CDKN2B-AS1: variants seen among roughly 807,000 people sequenced by gnomAD.
CDKN2B-AS1 encodes the protein CDKN2B and CDKN2A antisense cis and trans regulatory RNA 1, also known as CDKN2B antisense RNA 1 (non-protein coding).
chr9:22,074,809 C>G (rs774595440), intron 4 of CDKN2B-AS1, among the ~76,000 whole-genome samples: 1 of 152,214 alleles, frequency 6.6e-6, no homozygotes, highest in African/African-American at 2.4e-5. Context: ...AAAGCTCTAT[C>G]TGGTTTCTCT....
chr9:22,014,856 C>T (rs1029089094), intron 1 of CDKN2B-AS1, among the ~76,000 whole-genome samples: 7 of 146,860 alleles, frequency 4.8e-5, no homozygotes, highest in South Asian at 2.2e-4. Context: ...GAGAACATGG[C>T]GGTGTTTGGT....
chr9:22,056,357 C>G (rs1307692384), exon 4 of CDKN2B-AS1: 2 of 151,466 alleles, frequency 1.3e-5, no homozygotes, highest in African/African-American at 4.9e-5. Flanking sequence ...TGTGAGACAC[C>G]ACACCCGGCG....
At chr9:22,093,240 C>A (rs1054150184) in intron 4 of CDKN2B-AS1, among the ~76,000 whole-genome samples, 1 of 142,150 alleles carries the variant, frequency 7.0e-6, no homozygotes, top group African/African-American at 2.6e-5. Flanking sequence ...TTACTTCCAA[C>A]TATGTGGTCA....
chr9:22,005,054 T>G lies in CDKN2B-AS1; in HGVS notation n.29+9893T>G. The G allele has an allele frequency of 4.3e-6, 1 of 233,122 alleles. No homozygotes were observed. 14.4% of individuals were successfully genotyped at this position (233,122 alleles called of 1,614,324 possible). A position where few individuals can be genotyped will look rare whatever the true frequency, so the allele number is the denominator to read the frequency against. ...AGACAGTTGCTGAACAACTAAAAAG[T>G]ACAAAATATCACAAAATCAAAAAGT... On this transcript the variant is annotated intron_variant and non_coding_transcript_variant, in intron 1 of 4. Coordinates refer to ENST00000650946, the Ensembl canonical transcript of CDKN2B-AS1. The surrounding 1 kb of genome is among the most constrained non-coding windows in gnomAD (Gnocchi z 4.9).
intron 4 of CDKN2B-AS1, among the ~76,000 whole-genome samples, chr9:22,111,049 A>C (rs1825792433): frequency 1.3e-5 from 2 of 152,140 alleles, no homozygotes. Context: ...CTATTGGATG[A>C]CTTTGCTACA....
At chr9:22,012,442 C>T (rs77920300) in intron 1 of CDKN2B-AS1, 59,221 of 722,520 alleles carry the variant, frequency 0.082, 2,636 homozygotes, top group Middle Eastern at 0.1. Flanking sequence ...AGATGATCTG[C>T]CATAAGCGCT....
Position 22,006,063 on chromosome 9 carries a change from C to A in CDKN2B-AS1, n.29+10902C>A. Reference sequence around the variant, plus strand: ...CTCCTCGGCCAAGTCCACGGGCAGACGACCCCAGGCATCGCGCACGTCCAG... The same window carrying A: ...CTCCTCGGCCAAGTCCACGGGCAGAAGACCCCAGGCATCGCGCACGTCCAG... On this transcript the variant is annotated intron_variant and non_coding_transcript_variant, in intron 1 of 4. Transcript: ENST00000650946. The surrounding 1 kb of genome is among the most constrained non-coding windows in gnomAD (Gnocchi z 6.4). 6.2e-7 allele frequency: 1 copy of A among 1,605,966 alleles called. No homozygotes were observed. Among genetic ancestry groups the A allele is most frequent in the Non-Finnish European group, 8.5e-7 (1 of 1,179,618 alleles).
chr9:22,115,614 C>T (rs992744711), intron 4 of CDKN2B-AS1, among the ~76,000 whole-genome samples: 2 of 152,090 alleles, frequency 1.3e-5, no homozygotes, highest in Non-Finnish European at 2.9e-5. Flanking sequence ...CAGAGTGTTT[C>T]CTCTCTTGGG....
intron 4 of CDKN2B-AS1, among the ~76,000 whole-genome samples, chr9:22,123,722 T>C (rs892911899): frequency 6.6e-6 from 1 of 152,088 alleles, no homozygotes; most frequent in Non-Finnish European, 1.5e-5. Context: ...TTAAAGTCTG[T>C]TATGTGGTAA....
At chr9:22,057,016 A>G (rs974418353) in intron 4 of CDKN2B-AS1, among the ~76,000 whole-genome samples, 1 of 151,828 alleles carries the variant, frequency 6.6e-6, no homozygotes, top group Non-Finnish European at 1.5e-5. Flanking sequence ...CATTTTTCTT[A>G]CTCTTGCCAT....
At chr9:22,038,399 G>T (rs1413433442) in intron 1 of CDKN2B-AS1, among the ~76,000 whole-genome samples, 2 of 151,648 alleles carry the variant, frequency 1.3e-5, no homozygotes, top group Admixed American at 6.6e-5. Context: ...TAACTATTTT[G>T]CCAGCGCAGA....
At chr9:22,009,773 G>A (rs1027728042) in intron 1 of CDKN2B-AS1, among the ~76,000 whole-genome samples, 2 of 152,144 alleles carry the variant, frequency 1.3e-5, no homozygotes, top group African/African-American at 4.8e-5. Flanking sequence ...CAGTACTTGG[G>A]CTTCACAAGT....
intron 4 of CDKN2B-AS1, among the ~76,000 whole-genome samples, chr9:22,106,773 A>T (rs908435025): frequency 6.6e-6 from 1 of 152,206 alleles, no homozygotes; most frequent in African/African-American, 2.4e-5. Flanking sequence ...AAATAATAAT[A>T]GTAATAATAA....
rs959888147 is a variant in CDKN2B-AS1 at position 21,999,278 on chromosome 9, G to C, written n.29+4117G>C. Among the ~76,000 whole-genome samples the C allele has an allele frequency of 2.0e-5, 3 of 151,346 alleles. No homozygotes were observed. Among genetic ancestry groups the C allele is most frequent in the African/African-American group, 7.3e-5 (3 of 41,226 alleles). On this transcript the variant is annotated intron_variant and non_coding_transcript_variant, in intron 1 of 4. Transcript: ENST00000650946. The surrounding 1 kb of genome is among the most constrained non-coding windows in gnomAD (Gnocchi z 4.7). ...GTATGTAAAGACACACACAAATAAT[G>C]TATGGAAATATATATACACATATAT...
chr9:22,051,870 C>T (rs766607790), intron 3 of CDKN2B-AS1, among the ~76,000 whole-genome samples: 2 of 151,834 alleles, frequency 1.3e-5, no homozygotes, highest in Non-Finnish European at 2.9e-5. Context: ...ATAAATTAGA[C>T]GTATACATTT....
intron 1 of CDKN2B-AS1, chr9:22,029,676 T>C (rs1180396174): frequency 4.1e-6 from 2 of 484,164 alleles, no homozygotes; most frequent in Non-Finnish European, 7.4e-6. Flanking sequence ...CTTCCAAATT[T>C]AATCTTTACA....
intron 4 of CDKN2B-AS1, among the ~76,000 whole-genome samples, chr9:22,111,146 GA>G (rs1436564986): frequency 6.6e-4 from 101 of 151,976 alleles, no homozygotes; most frequent in Non-Finnish European, 5.9e-5. Flanking sequence ...ATGTGGCTTT[GA>G]ACATTCTTAT....
intron 1 of CDKN2B-AS1, among the ~76,000 whole-genome samples, chr9:22,034,181 G>C (rs967310608): frequency 3.9e-5 from 6 of 152,116 alleles, no homozygotes; most frequent in Non-Finnish European, 7.4e-5. Context: ...TTCTCAATTG[G>C]TTATTACTTT....
In CDKN2B-AS1 at chr9:22,006,299, A is replaced by G. The variant is rs1563914593; in HGVS notation, n.29+11138A>G. The G allele has an allele frequency of 1.3e-6, 2 of 1,598,132 alleles. No individual in the cohort carries two copies. The highest frequency in any genetic ancestry group is 1.7e-6 in the Non-Finnish European group (2 of 1,179,300). ...GCCAGGGTGGGGGCAGGTATGGGAG[A>G]TGCCGGCCGGGGCAAGGCAGGTGGA... On this transcript the variant is annotated intron_variant and non_coding_transcript_variant, in intron 1 of 4. Transcript: ENST00000650946. This position sits in a 1 kb window ranked among gnomAD's most constrained non-coding sequence, Gnocchi z 6.4.
Sources: allele counts gnomAD v4.1 joint callset (sites outside exome capture counted in the v4.1 genomes callset), GRCh38; gene constraint gnomAD v4.1.1; non-coding constraint Gnocchi (gnomAD v3.1); transcripts MANE v1.5; gene names NCBI Gene and HGNC (gene_info 2026-07-23, HGNC 2026-07-21).